The following SGMS1 variants were observed in gnomAD, a reference collection of about 807,000 sequenced individuals.
The protein encoded by SGMS1 is phosphatidylcholine:ceramide cholinephosphotransferase 1.
A neutral mutation model predicts 46.2 loss-of-function variants in SGMS1; 13 were observed. The observed-to-expected ratio is 0.28, with a 90% CI of 0.18 to 0.45. The LOEUF is 0.45. Ranked by LOEUF, SGMS1 falls within the 20% of genes least tolerant of loss-of-function variation. The probability of loss-of-function intolerance (pLI) is 1.00; values close to 1 mark genes in which losing one functional copy is unlikely to be tolerated. For synonymous variants in SGMS1, 203 were observed against 187.8 expected (o/e 1.08, Z -0.66); for missense variants, 324 against 519.9 (o/e 0.62, Z 3.66).
At chr10:50,589,810 T>C (rs965392381) in intron 2 of SGMS1, among the ~76,000 whole-genome samples, 1 of 152,178 alleles carries the variant, frequency 6.6e-6, no homozygotes, top group African/African-American at 2.4e-5. Context: ...CTATCAACAG[T>C]GAAGGGAGCA....
At chr10:50,601,105 G>C (rs1838645919) in intron 1 of SGMS1, among the ~76,000 whole-genome samples, 2 of 152,178 alleles carry the variant, frequency 1.3e-5, no homozygotes, top group Admixed American at 1.3e-4. Context: ...AAATGAAGAA[G>C]GGCAGAAAAT....
At chr10:50,378,194 GA>G (rs1210905093) in intron 6 of SGMS1, among the ~76,000 whole-genome samples, 7 of 152,096 alleles carry the variant, frequency 4.6e-5, no homozygotes, top group African/African-American at 1.7e-4. Flanking sequence ...CTGTTTCCTG[GA>G]AAAGTCTTTC....
At chr10:50,469,937 A>T (rs926976790) in intron 3 of SGMS1, among the ~76,000 whole-genome samples, 1 of 152,224 alleles carries the variant, frequency 6.6e-6, no homozygotes, top group Non-Finnish European at 1.5e-5. Context: ...CAACCCTTTT[A>T]AAACTTATTA....
At chr10:50,604,767 A>G (rs1370911151) in intron 1 of SGMS1, among the ~76,000 whole-genome samples, 1 of 152,244 alleles carries the variant, frequency 6.6e-6, no homozygotes, top group Non-Finnish European at 1.5e-5. Flanking sequence ...AAGAAGAAAG[A>G]TTATTTATCC....
At chr10:50,381,161 C>CA (rs1848598150) in intron 6 of SGMS1, among the ~76,000 whole-genome samples, 1 of 149,202 alleles carries the variant, frequency 6.7e-6, no homozygotes, top group African/African-American at 2.5e-5. Context: ...AACAAACAAA[C>CA]AAACAAATAC....
chr10:50,536,305 G>A (rs1838001437), intron 2 of SGMS1, among the ~76,000 whole-genome samples: 1 of 151,940 alleles, frequency 6.6e-6, no homozygotes, highest in African/African-American at 2.4e-5. Context: ...TGCATAAACA[G>A]TCAAGACCCT....
chr10:50,378,690 A>G (rs1270938445), intron 6 of SGMS1, among the ~76,000 whole-genome samples: 1 of 152,206 alleles, frequency 6.6e-6, no homozygotes, highest in African/African-American at 2.4e-5. Context: ...CTTTGAAAAA[A>G]TATTTGCTGA....
intron 2 of SGMS1, among the ~76,000 whole-genome samples, chr10:50,551,805 TC>T (rs1838150839): frequency 6.6e-6 from 1 of 152,102 alleles, no homozygotes; most frequent in Non-Finnish European, 1.5e-5. Context: ...CCCTCTGCCA[TC>T]CCCCTGTTCA....
At chr10:50,321,498 G>T (rs1417420644) in intron 8 of SGMS1, among the ~76,000 whole-genome samples, 1 of 152,060 alleles carries the variant, frequency 6.6e-6, no homozygotes, top group East Asian at 1.9e-4. Flanking sequence ...GAAAAGCAAA[G>T]AACAGATTTA....
intron 6 of SGMS1, among the ~76,000 whole-genome samples, chr10:50,399,620 A>C (rs1252245105): frequency 6.6e-6 from 1 of 152,208 alleles, no homozygotes; most frequent in Non-Finnish European, 1.5e-5. Context: ...AATTACCTAT[A>C]TATGTACAAT....
intron 2 of SGMS1, among the ~76,000 whole-genome samples, chr10:50,572,964 C>G (rs1335437877): frequency 6.6e-6 from 1 of 152,090 alleles, no homozygotes. Context: ...ATTCTATGTA[C>G]CTTGAAAGTT....
At position 50,497,630 on chromosome 10, in the gene SGMS1, T is replaced by C. The variant is rs189553413; in HGVS notation, c.-498+22201A>G. 6.6e-5 allele frequency among the ~76,000 whole-genome samples: 10 copies of C among 152,206 alleles called. No individual in the cohort carries two copies. The South Asian group carries it at 1.2e-3, about 19-fold the overall frequency. ...CAACATAGTGAAACCCTGTCTCTAC[T>C]AAAAATACAAAAAATTAGCCGGACG... On this transcript the variant is annotated intron_variant, in intron 3 of 10. Transcript: ENST00000361781.
intron 2 of SGMS1, among the ~76,000 whole-genome samples, chr10:50,523,848 G>C (rs1372120128): frequency 6.6e-6 from 1 of 152,224 alleles, no homozygotes; most frequent in Non-Finnish European, 1.5e-5. Flanking sequence ...GGAAAATGGA[G>C]AACAAGTCTT....
chr10:50,497,417 T>TA (rs1057289057), intron 3 of SGMS1, among the ~76,000 whole-genome samples: 5 of 152,226 alleles, frequency 3.3e-5, no homozygotes, highest in African/African-American at 1.2e-4. Flanking sequence ...TTCAGTGTTC[T>TA]ATCATATTAA....
At chr10:50,329,508 C>T (rs1419237066) in intron 7 of SGMS1, among the ~76,000 whole-genome samples, 1 of 152,070 alleles carries the variant, frequency 6.6e-6, no homozygotes, top group Non-Finnish European at 1.5e-5. Flanking sequence ...ATGTCTTTGG[C>T]GTATAATGTT....
chr10:50,461,595 A>G (rs1279997415), intron 4 of SGMS1, among the ~76,000 whole-genome samples: 1 of 152,272 alleles, frequency 6.6e-6, no homozygotes, highest in African/African-American at 2.4e-5. Flanking sequence ...GCCCTGCAGT[A>G]TTGAGTATCT....
chr10:50,551,894 T>C (rs983269761), intron 2 of SGMS1, among the ~76,000 whole-genome samples: 1 of 152,286 alleles, frequency 6.6e-6, no homozygotes. Context: ...ACCACCTCCC[T>C]GATCAAAACC....
chr10:50,603,945 C>T (rs4935735), intron 1 of SGMS1, among the ~76,000 whole-genome samples: 106,253 of 152,090 alleles, frequency 0.7, 37,211 homozygotes, highest in South Asian at 0.79. Context: ...ACTTGAAATA[C>T]ATGCCATTGT....
chr10:50,604,798 C>T (rs1353648142), intron 1 of SGMS1, among the ~76,000 whole-genome samples: 1 of 151,964 alleles, frequency 6.6e-6, no homozygotes, highest in Admixed American at 6.6e-5. Flanking sequence ...ACACATACAC[C>T]CATCAGTAAA....
Sources: gnomAD v4.1 joint callset for allele counts (sites outside exome capture counted in the v4.1 genomes callset) on GRCh38, gnomAD v4.1.1 for gene constraint, MANE v1.5 for transcripts, NCBI Gene and HGNC (gene_info 2026-07-23, HGNC 2026-07-21) for gene names.